Variants in ICE1 observed in about 807,000 individuals in gnomAD.
ICE1 encodes interactor of little elongation complex ELL subunit 1.
Under a neutral mutation model 192.7 loss-of-function variants are expected in ICE1, and 64 were observed. The ratio of observed to expected loss-of-function variants is 0.33; its 90% CI spans 0.27 to 0.41. The LOEUF is 0.41. Among genes scored for constraint, ICE1 ranks in the 10% least tolerant of loss-of-function variants. ICE1 has a pLI of 1.00. For synonymous variants in ICE1, 1,010 were observed against 984.5 expected (o/e 1.03, Z -0.49); for missense variants, 2,708 against 2,696.0 (o/e 1.00, Z -0.10).
chr5:5,488,359 T>C (rs1739684407), intron 18 of ICE1, among the ~76,000 whole-genome samples: 1 of 152,202 alleles, frequency 6.6e-6, no homozygotes. Context: ...TTGGAGTGTT[T>C]CCTTTATATT....
chr5:5,464,687 A>G lies in ICE1; in HGVS notation c.5353A>G (p.Asn1785Asp). The G allele has an allele frequency of 6.2e-7, 1 of 1,613,914 alleles. No individual in the cohort carries two copies. The highest frequency in any genetic ancestry group is 8.5e-7 in the Non-Finnish European group (1 of 1,179,870). The change falls in exon 13 of 19, where the codon AAT becomes GAT. Residue 1785 changes from asparagine (N) to aspartate (D), a missense_variant. Asn to Asp is a conservative substitution (Grantham distance 23). Around this residue, in one of 2 missense-constraint regions of ICE1, gnomAD observed 2,366 missense variants for 2,276.6 expected, o/e 1.04. Coordinates refer to ENST00000296564, the MANE Select transcript of ICE1 (RefSeq NM_015325.3). The surrounding 1 kb of genome is among the most constrained non-coding windows in gnomAD (Gnocchi z 4.0). Reference sequence around the variant, plus strand: ...ACGAGGTCCGCCTGCTGACTGTAAGAATTTACCGGGACCTGCCAGTGCTAT... The same window carrying G: ...ACGAGGTCCGCCTGCTGACTGTAAGGATTTACCGGGACCTGCCAGTGCTAT... ...LTRGPPADCK[N>D]LPGPASAMIG...
At chr5:5,447,246 T>TTCTTTA (rs1738256202) in intron 7 of ICE1, among the ~76,000 whole-genome samples, 181 bp from the exon 8 acceptor site, 2 of 152,174 alleles carry the variant, frequency 1.3e-5, no homozygotes, top group African/African-American at 4.8e-5. Flanking sequence ...AAGAAAAAAG[T>TTCTTTA]ACATTGCATT....
Position 5,443,325 on chromosome 5 carries a change from T to A in ICE1, c.386+81T>A, listed in dbSNP as rs1738106018. ...ATTCTTAAGTCGGTAGTGTTTTTTTTTTTACAGTCTTTGGATTTCTTGGCC... is the reference window on the plus strand; with the variant it reads ...ATTCTTAAGTCGGTAGTGTTTTTTTATTTACAGTCTTTGGATTTCTTGGCC... On this transcript the variant is annotated intron_variant, in intron 6 of 18. Transcript: ENST00000296564. 3 of 747,678 alleles carry A rather than the reference T, an allele frequency of 4.0e-6. No individual in the cohort carries two copies. The Admixed American group carries it at 1.1e-4, about 27-fold the overall frequency. 46.3% of individuals were successfully genotyped at this position (747,678 alleles called of 1,614,324 possible).
chr5:5,489,588 C>G lies in ICE1; in HGVS notation c.*258C>G, dbSNP rs184366939. The G allele has an allele frequency of 3.4e-6, 1 of 296,370 alleles. No individual in the cohort carries two copies. Among genetic ancestry groups the G allele is most frequent in the East Asian group, 5.8e-5 (1 of 17,220 alleles). The allele number at this position is 296,370 out of a possible 1,614,324, so 18.4% of individuals were successfully genotyped here. On this transcript the variant is annotated 3_prime_UTR_variant, in exon 19 of 19. Transcript: ENST00000296564. ...ATGGGTTATATTATTGTGTCTTTGTCAAACAACAAAAACTTGAACTTAGCC... is the reference window on the plus strand; with the variant it reads ...ATGGGTTATATTATTGTGTCTTTGTGAAACAACAAAAACTTGAACTTAGCC...
At chr5:5,454,356 G>T (rs910278993) in intron 10 of ICE1, among the ~76,000 whole-genome samples, 196 bp from the exon 11 acceptor site, 6 of 152,086 alleles carry the variant, frequency 3.9e-5, no homozygotes, top group African/African-American at 7.2e-5. Flanking sequence ...AGTACCTTCA[G>T]CCTTCAATTT....
At position 5,435,659 on chromosome 5, in the gene ICE1, T is replaced by G. The variant is rs796453591; in HGVS notation, c.85-759T>G. On this transcript the variant is annotated intron_variant, in intron 1 of 18. Transcript: ENST00000296564. ...CGGTAATTTAGAGCCAAATTTGTGTTTTTTTTTTTTTTTGTTTTGTTTTTG... is the reference window on the plus strand; with the variant it reads ...CGGTAATTTAGAGCCAAATTTGTGTGTTTTTTTTTTTTTGTTTTGTTTTTG... Among the ~76,000 whole-genome samples the G allele has an allele frequency of 5.6e-5, 7 of 124,380 alleles. No individual in the cohort carries two copies. In the South Asian group the frequency reaches 8.3e-4, roughly 15 times the overall value. The allele number at this position is 124,380 out of a possible 152,430, so 81.6% of individuals were successfully genotyped here.
chr5:5,460,079 T>C lies in ICE1; in HGVS notation c.1102-357T>C, dbSNP rs897698085. Among the ~76,000 whole-genome samples, 8 of 152,174 alleles carry C rather than the reference T, an allele frequency of 5.3e-5. No homozygotes were observed. The East Asian group carries it at 1.3e-3, about 26-fold the overall frequency. On this transcript the variant is annotated intron_variant, in intron 12 of 18. Transcript: ENST00000296564. ...GCCGTGAAGCCAGAGGCCAGCAACC[T>C]GGGTCAGAGCCTTTGTTACTAGATG...
intron 14 of ICE1, among the ~76,000 whole-genome samples, chr5:5,467,639 A>G (rs1346966432): frequency 1.3e-5 from 2 of 152,188 alleles, no homozygotes; most frequent in East Asian, 3.8e-4. Flanking sequence ...CTCTGTAAGG[A>G]GAGAATTTAT....
chr5:5,461,496 G>A lies in ICE1; in HGVS notation c.2162G>A (p.Ser721Asn). 6.2e-7 allele frequency: 1 copy of A among 1,613,874 alleles called. No individual in the cohort carries two copies. The highest frequency in any genetic ancestry group is 8.5e-7 in the Non-Finnish European group (1 of 1,179,830). Residue 721 changes from serine (S) to asparagine (N), a missense_variant, in exon 13 of 19, where the codon AGT (serine) becomes AAT (asparagine). By Grantham distance (46) the Ser-to-Asn change is conservative. Coordinates refer to ENST00000296564, the MANE Select transcript of ICE1 (RefSeq NM_015325.3). The stretch of plus-strand genomic sequence containing the variant: ...TCTAATTTTAATGATCAGAAGAGCA[G>A]TGGGATAGAATATACAAAAGTAGTA... ...GASNFNDQKS[S>N]GIEYTKVVKG...
Position 5,462,702 on chromosome 5 carries a change from A to G in ICE1, c.3368A>G (p.Gln1123Arg). The G allele has an allele frequency of 6.2e-7, 1 of 1,613,964 alleles. No homozygotes were observed. ...AFSCSEGSEQ[Q>R]DAPDDSQKNL... ...AGCTGCAGTGAGGGGAGCGAACAGC[A>G]AGATGCTCCTGATGACTCACAGAAA... Residue 1123 changes from glutamine (Q) to arginine (R), a missense_variant, in exon 13 of 19, where the codon CAA becomes CGA. Physicochemically the swap from Gln to Arg is conservative, Grantham distance 43. This residue lies in a region of ICE1 where 2,366 missense variants were observed against 2,276.6 expected (regional missense o/e 1.04). Coordinates refer to ENST00000296564, the MANE Select transcript of ICE1 (RefSeq NM_015325.3).
chr5:5,425,539 T>C (rs1204572221), intron 1 of ICE1, among the ~76,000 whole-genome samples: 2 of 152,322 alleles, frequency 1.3e-5, no homozygotes, highest in Middle Eastern at 3.4e-3. Context: ...GGCCTGGAAT[T>C]GGATTACCTT....
intron 3 of ICE1, chr5:5,437,372 G>T: frequency 2.8e-6 from 1 of 355,358 alleles, no homozygotes; most frequent in Non-Finnish European, 5.1e-6. Context: ...TTTAGTGGGT[G>T]GGTTTCTCTT....
intron 11 of ICE1, among the ~76,000 whole-genome samples, chr5:5,456,241 C>T (rs1313693229): frequency 1.3e-5 from 2 of 152,064 alleles, no homozygotes; most frequent in Non-Finnish European, 2.9e-5. Flanking sequence ...TCTTTTTTTC[C>T]TAATGAATCA....
rs777277856 is a variant in ICE1, at chr5:5,438,476, C to T, written c.178+1362C>T. ...TCATTGGAAATCTTCTTATGTGCCT[C>T]ATCTGTTAAAACCATCAGTCCATTT... On this transcript the variant is annotated intron_variant, in intron 3 of 18. Transcript: ENST00000296564. 4.6e-5 allele frequency among the ~76,000 whole-genome samples: 7 copies of T among 152,340 alleles called. No homozygotes were observed. In the East Asian group the frequency reaches 1.3e-3, roughly 29 times the overall value.
In ICE1 at chr5:5,457,712, C is replaced by G. The variant is rs1184768039; in HGVS notation, c.1072C>G (p.Pro358Ala). Residue 358 changes from proline to alanine, a missense_variant, in exon 12 of 19, where the codon CCG becomes GCG. This residue lies in a region of ICE1 where 2,366 missense variants were observed against 2,276.6 expected (regional missense o/e 1.04). Transcript: ENST00000296564. ...PSPPPMSSPHPGSLPSSFAPE... is the reference protein window; with the variant it reads ...PSPPPMSSPHAGSLPSSFAPE... ...GCCCCCTCCGATGTCATCACCTCAC[C>G]CGGGTTCCTTACCGTCTTCATTTGC... The G allele has an allele frequency of 6.2e-7, 1 of 1,612,990 alleles. No individual in the cohort carries two copies. Among genetic ancestry groups the G allele is most frequent in the Non-Finnish European group, 8.5e-7 (1 of 1,179,122 alleles).
At chr5:5,433,851 C>T (rs1307095127) in intron 1 of ICE1, among the ~76,000 whole-genome samples, 5 of 151,954 alleles carry the variant, frequency 3.3e-5, no homozygotes, top group Admixed American at 1.3e-4. Context: ...CTAGTTTACT[C>T]CCTCCTTACA....
At position 5,457,377 on chromosome 5, in the gene ICE1, A is replaced by G. The variant is rs1276926551; in HGVS notation, c.737A>G (p.Asp246Gly). Residue 246 changes from aspartate (D) to glycine (G), a missense_variant, in exon 12 of 19, where the codon GAT becomes GGT. By Grantham distance (94) the Asp-to-Gly change is moderately conservative (BLOSUM62 -1). This residue lies in a region of ICE1 where 2,366 missense variants were observed against 2,276.6 expected (regional missense o/e 1.04). Transcript: ENST00000296564. ...AITSSRVPGE[D>G]GTLPPTQGSP... ...ACCAGCTCCAGAGTGCCTGGGGAAG[A>G]TGGTACGCTACCTCCAACACAGGGC... is the stretch of plus-strand genomic sequence containing the variant. The G allele has an allele frequency of 6.2e-7, 1 of 1,613,516 alleles. No homozygotes were observed. Among genetic ancestry groups the G allele is most frequent in the Admixed American group, 1.7e-5 (1 of 59,972 alleles).
chr5:5,444,425 G>A lies in ICE1; in HGVS notation c.424+99G>A, dbSNP rs1738147390. ...CTTGATCAAATAGTTGAATTGTTAT[G>A]GTTTTTGATGGTACATCCATGGATG... On this transcript the variant is annotated intron_variant, in intron 7 of 18. Coordinates refer to ENST00000296564, the MANE Select transcript of ICE1 (RefSeq NM_015325.3). The A allele has an allele frequency of 3.7e-6, 3 of 807,560 alleles. No individual in the cohort carries two copies. In the African/African-American group the frequency reaches 5.2e-5, roughly 14 times the overall value. 50.0% of individuals were successfully genotyped at this position (807,560 alleles called of 1,614,324 possible). A position where few individuals can be genotyped will look rare whatever the true frequency, so the allele number is the denominator to read the frequency against.
At position 5,463,002 on chromosome 5, in the gene ICE1, C is replaced by G. The variant is rs1473302587; in HGVS notation, c.3668C>G (p.Pro1223Arg). ...ATAGGAGAAAAATACAGAAAGCAAC[C>G]CTGTGAGGAAGAAACACTTGGAACC... ...SEIGEKYRKQ[P>R]CEEETLGTCE... The change falls in exon 13 of 19, where the codon CCC becomes CGC. Residue 1223 changes from proline (P) to arginine (R), a missense_variant. Around this residue, in one of 2 missense-constraint regions of ICE1, gnomAD observed 2,366 missense variants for 2,276.6 expected, o/e 1.04. Transcript: ENST00000296564. 4 of 1,613,444 alleles carry G rather than the reference C, an allele frequency of 2.5e-6. No individual in the cohort carries two copies. Among genetic ancestry groups the G allele is most frequent in the Middle Eastern group, 1.6e-4 (1 of 6,062 alleles).
Sources: allele counts gnomAD v4.1 joint callset (sites outside exome capture counted in the v4.1 genomes callset), GRCh38; gene constraint gnomAD v4.1.1; regional missense constraint gnomAD v4.1.1; non-coding constraint Gnocchi (gnomAD v3.1); transcripts MANE v1.5; gene names NCBI Gene and HGNC (gene_info 2026-07-23, HGNC 2026-07-21).